The following EPB41L3 variants were observed in gnomAD, a reference collection of about 807,000 sequenced individuals.
EPB41L3 encodes the protein band 4.1-like protein 3.
In EPB41L3, 57 loss-of-function variants were observed where a neutral mutation model predicts 127.1. The ratio of observed to expected loss-of-function variants is 0.45; its 90% CI spans 0.36 to 0.56. The LOEUF (loss-of-function observed/expected upper bound fraction) is 0.56. Ranked by LOEUF, EPB41L3 falls within the 20% of genes least tolerant of loss-of-function variation. The pLI is 0.00. For synonymous variants in EPB41L3, 572 were observed against 549.5 expected, an observed-to-expected ratio of 1.04 and a Z score of -0.57; for missense variants, 1,273 against 1,372.2, an observed-to-expected ratio of 0.93 and a Z score of 1.14.
chr18:5,420,133 G>A lies in EPB41L3; in HGVS notation c.1340-256C>T, dbSNP rs929094384. ...TTCCTATATGAGTGCTTTAAAATTC[G>A]TGAAATGCTCATGTCTTGGAATTTC... On this transcript the variant is annotated intron_variant, in intron 11 of 22. Transcript: ENST00000341928. 4.8e-6 allele frequency: 3 copies of A among 625,446 alleles called. No homozygotes were observed. The Admixed American group carries it at 9.6e-5, about 20-fold the overall frequency. 38.7% of individuals were successfully genotyped at this position (625,446 alleles called of 1,614,324 possible).
chr18:5,565,588 A>G (rs1355996724), intron 3 of EPB41L3, among the ~76,000 whole-genome samples: 1 of 149,648 alleles, frequency 6.7e-6, no homozygotes, highest in Non-Finnish European at 1.5e-5. Flanking sequence ...TATATCTCCT[A>G]ATGTTATTGT....
chr18:5,499,119 G>A (rs2091485649), intron 1 of EPB41L3, among the ~76,000 whole-genome samples: 1 of 152,130 alleles, frequency 6.6e-6, no homozygotes, highest in Non-Finnish European at 1.5e-5. Flanking sequence ...AGACACAGGT[G>A]GGGATGTTAG....
intron 1 of EPB41L3, among the ~76,000 whole-genome samples, chr18:5,515,385 T>C (rs2092708787): frequency 6.6e-6 from 1 of 152,202 alleles, no homozygotes; most frequent in Non-Finnish European, 1.5e-5. Flanking sequence ...AACAAGTCTG[T>C]TCCACAAGTA....
intron 3 of EPB41L3, among the ~76,000 whole-genome samples, chr18:5,582,291 AGAG>A (rs985682770): frequency 6.6e-6 from 1 of 152,166 alleles, no homozygotes; most frequent in African/African-American, 2.4e-5. Flanking sequence ...CCAACACAGG[AGAG>A]GAGAAGACAA....
intron 1 of EPB41L3, among the ~76,000 whole-genome samples, chr18:5,616,709 T>G (rs763555634): frequency 6.6e-6 from 1 of 152,286 alleles, no homozygotes; most frequent in Non-Finnish European, 1.5e-5. Context: ...AATATTGTTA[T>G]GTTTTTCAGT....
At chr18:5,593,373 G>A (rs776358907) in intron 3 of EPB41L3, among the ~76,000 whole-genome samples, 1 of 152,068 alleles carries the variant, frequency 6.6e-6, no homozygotes, top group Non-Finnish European at 1.5e-5. Context: ...ATCACATTTT[G>A]GTAGGTTCCA....
chr18:5,532,022 G>A (rs1041809000), intron 1 of EPB41L3, among the ~76,000 whole-genome samples: 2 of 152,228 alleles, frequency 1.3e-5, no homozygotes, highest in African/African-American at 4.8e-5. Context: ...TGCCGTGTGT[G>A]AGGCACTGTA....
chr18:5,478,131 G>C (rs2087623085), intron 3 of EPB41L3, 110 bp downstream of exon 3: 1 of 888,086 alleles, frequency 1.1e-6, no homozygotes, highest in Non-Finnish European at 1.7e-6. Flanking sequence ...GACTGGGTTT[G>C]AGTAATTTTC....
intron 1 of EPB41L3, among the ~76,000 whole-genome samples, chr18:5,506,720 G>A (rs183496988): frequency 6.6e-6 from 1 of 152,218 alleles, no homozygotes; most frequent in Admixed American, 6.5e-5. Flanking sequence ...CATGTAGTGG[G>A]TGCTCAAAGA....
chr18:5,451,397 T>C (rs1257687707), intron 3 of EPB41L3, among the ~76,000 whole-genome samples: 4 of 152,230 alleles, frequency 2.6e-5, no homozygotes, highest in African/African-American at 9.6e-5. Context: ...TTAAGTCCTC[T>C]CATCCTTCAA....
chr18:5,448,407 C>A (rs975452099), intron 3 of EPB41L3, among the ~76,000 whole-genome samples: 1 of 152,088 alleles, frequency 6.6e-6, no homozygotes, highest in African/African-American at 2.4e-5. Context: ...TTCAAGTCAA[C>A]TAATTCTACT....
At chr18:5,396,466 A>C in intron 18 of EPB41L3, 134 bp from the exon 19 acceptor site, 1 of 987,196 alleles carries the variant, frequency 1.0e-6, no homozygotes, top group Non-Finnish European at 1.5e-6. Flanking sequence ...TAAGCTGGGG[A>C]ATGAGGCATA....
chr18:5,546,095 T>G (rs542983028), upstream of EPB41L3, among the ~76,000 whole-genome samples: 6 of 152,338 alleles, frequency 3.9e-5, no homozygotes, highest in South Asian at 1.2e-3. Flanking sequence ...TGCAGTATTT[T>G]TGCTATTCTT....
rs56399732 is a variant in EPB41L3, at chr18:5,437,275, C to T, written c.605+760G>A. ...ACAAGAAAGGCTGGAGAGAGAGAGACCCCCTCACCCTTTCACCACATGAGG... is the reference window on the plus strand; with the variant it reads ...ACAAGAAAGGCTGGAGAGAGAGAGATCCCCTCACCCTTTCACCACATGAGG... On this transcript the variant is annotated intron_variant, in intron 6 of 22. Coordinates refer to ENST00000341928, the MANE Select transcript of EPB41L3 (RefSeq NM_012307.5). Among the ~76,000 whole-genome samples, 701 of 152,212 alleles carry T rather than the reference C, an allele frequency of 4.6e-3. 1 individual carries two copies. The highest frequency in any genetic ancestry group is 0.027 in the Middle Eastern group (8 of 294).
At chr18:5,529,981 G>GA in intron 1 of EPB41L3, among the ~76,000 whole-genome samples, 1 of 150,808 alleles carries the variant, frequency 6.6e-6, no homozygotes, top group Non-Finnish European at 1.5e-5. Context: ...AACAGCAAGT[G>GA]GGGCCATTCC....
Position 5,393,275 on chromosome 18 carries a change from C to T in EPB41L3, c.*210G>A, listed in dbSNP as rs573363198. ...ATTTTATCGTTGCTTCATGCATTATCGGTTTAGTGATGCTGAATCAGATTG... is the reference window on the plus strand; with the variant it reads ...ATTTTATCGTTGCTTCATGCATTATTGGTTTAGTGATGCTGAATCAGATTG... On this transcript the variant is annotated 3_prime_UTR_variant, in exon 23 of 23. Transcript: ENST00000341928. 6 of 440,762 alleles carry T rather than the reference C, an allele frequency of 1.4e-5. No homozygotes were observed. Among genetic ancestry groups the T allele is most frequent in the South Asian group, 6.1e-5 (1 of 16,384 alleles). 27.3% of individuals were successfully genotyped at this position (440,762 alleles called of 1,614,324 possible).
intron 1 of EPB41L3, among the ~76,000 whole-genome samples, chr18:5,627,901 T>C (rs2094939818): frequency 6.6e-6 from 1 of 152,232 alleles, no homozygotes; most frequent in African/African-American, 2.4e-5. Context: ...TAACTAATGT[T>C]AATAGTTAAC....
chr18:5,615,667 T>C (rs1391560164), intron 1 of EPB41L3, among the ~76,000 whole-genome samples: 2 of 152,354 alleles, frequency 1.3e-5, no homozygotes, highest in African/African-American at 4.8e-5. Context: ...TGGCACATAG[T>C]AGGCCCTCAG....
chr18:5,471,179 C>T (rs1174770394), intron 3 of EPB41L3, among the ~76,000 whole-genome samples: 1 of 152,116 alleles, frequency 6.6e-6, no homozygotes, highest in African/African-American at 2.4e-5. Context: ...ACTGTCTGTC[C>T]TTAAAGGCTG....
Sources: gnomAD v4.1 joint callset for allele counts (sites outside exome capture counted in the v4.1 genomes callset) on GRCh38, gnomAD v4.1.1 for gene constraint, MANE v1.5 for transcripts, NCBI Gene and HGNC (gene_info 2026-07-23, HGNC 2026-07-21) for gene names.